The following SERGEF variants were observed in gnomAD, a reference collection of about 807,000 sequenced individuals.
SERGEF encodes the protein secretion-regulating guanine nucleotide exchange factor.
A neutral mutation model predicts 50.0 loss-of-function variants in SERGEF; 51 were observed. The observed-to-expected ratio is 1.02, with a 90% CI of 0.81 to 1.29. The LOEUF is 1.29. SERGEF is among the 50% of genes most tolerant of loss of function. The pLI is 0.00. For synonymous variants in SERGEF, 205 were observed against 212.4 expected (o/e 0.97, Z 0.30); for missense variants, 521 against 557.0 (o/e 0.94, Z 0.65).
chr11:17,801,003 G>T (rs1212300627), intron 10 of SERGEF, among the ~76,000 whole-genome samples: 1 of 152,022 alleles, frequency 6.6e-6, no homozygotes, highest in African/African-American at 2.4e-5. Flanking sequence ...AGACCATCCT[G>T]GCTAACACGG....
At chr11:17,973,322 G>A (rs1590226746) in intron 8 of SERGEF, among the ~76,000 whole-genome samples, 1 of 152,172 alleles carries the variant, frequency 6.6e-6, no homozygotes, top group African/African-American at 2.4e-5. Flanking sequence ...ATTCTGCAAA[G>A]CCCATCCACT....
chr11:17,789,960 G>A (rs947899151), intron 10 of SERGEF, among the ~76,000 whole-genome samples: 5 of 152,106 alleles, frequency 3.3e-5, no homozygotes, highest in African/African-American at 7.2e-5. Context: ...ACTCCACCCC[G>A]GGTGACAGAG....
At chr11:18,009,992 G>T in intron 1 of SERGEF, 1 of 551,096 alleles carries the variant, frequency 1.8e-6, no homozygotes, top group Non-Finnish European at 2.8e-6. Flanking sequence ...TTTGTATTCA[G>T]AATTGAAGAC....
At chr11:17,971,996 G>T (rs1489943682) in intron 8 of SERGEF, among the ~76,000 whole-genome samples, 1 of 152,212 alleles carries the variant, frequency 6.6e-6, no homozygotes, top group Non-Finnish European at 1.5e-5. Context: ...ACATGTGGTA[G>T]AAACAGCAAT....
chr11:17,866,507 T>C (rs1019843376), intron 10 of SERGEF, among the ~76,000 whole-genome samples: 3 of 151,986 alleles, frequency 2.0e-5, no homozygotes, highest in African/African-American at 4.8e-5. Flanking sequence ...TCAGAACATA[T>C]CCCCCCTTTT....
intron 9 of SERGEF, among the ~76,000 whole-genome samples, chr11:17,908,311 A>C (rs958415108): frequency 2.6e-5 from 4 of 152,112 alleles, no homozygotes; most frequent in African/African-American, 9.7e-5. Context: ...CAGTTTCCTG[A>C]ATGTGCAGCT....
intron 10 of SERGEF, among the ~76,000 whole-genome samples, chr11:17,818,741 G>A (rs1213911022): frequency 1.5e-4 from 23 of 152,014 alleles, no homozygotes; most frequent in African/African-American, 2.4e-5. Context: ...TCTAAACTCC[G>A]CCCCTGATTT....
chr11:17,983,452 T>G (rs900785068), intron 8 of SERGEF, among the ~76,000 whole-genome samples: 25 of 151,502 alleles, frequency 1.7e-4, no homozygotes, highest in African/African-American at 6.1e-4. Flanking sequence ...TCCAAAAGAG[T>G]AGTGGGAGCT....
chr11:17,809,767 C>G (rs1270006667), intron 10 of SERGEF, among the ~76,000 whole-genome samples: 1 of 152,076 alleles, frequency 6.6e-6, no homozygotes, highest in Non-Finnish European at 1.5e-5. Flanking sequence ...ATAGCCTTAG[C>G]CAGGAGACTA....
At chr11:17,892,326 G>C (rs1303551256) in intron 9 of SERGEF, among the ~76,000 whole-genome samples, 1 of 152,170 alleles carries the variant, frequency 6.6e-6, no homozygotes, top group Admixed American at 6.5e-5. Flanking sequence ...CACAAGTAGA[G>C]ATTTGAAAAA....
intron 8 of SERGEF, among the ~76,000 whole-genome samples, chr11:17,961,755 C>T (rs891192932): frequency 6.6e-6 from 1 of 152,200 alleles, no homozygotes; most frequent in African/African-American, 2.4e-5. Context: ...GTCCAGAAAC[C>T]AGGCTGACTT....
intron 4 of SERGEF, among the ~76,000 whole-genome samples, chr11:18,002,801 C>G (rs2134010044): frequency 6.6e-6 from 1 of 152,314 alleles, no homozygotes; most frequent in South Asian, 2.1e-4. Context: ...ATAGTACCTA[C>G]ACATAATGGT....
chr11:17,927,200 C>A (rs1852267949), intron 9 of SERGEF, among the ~76,000 whole-genome samples: 1 of 152,184 alleles, frequency 6.6e-6, no homozygotes, highest in Non-Finnish European at 1.5e-5. Flanking sequence ...ACACTAGAGA[C>A]TCATTTGGGG....
At chr11:17,931,035 T>G (rs186234315) in intron 9 of SERGEF, among the ~76,000 whole-genome samples, 169 of 152,306 alleles carry the variant, frequency 1.1e-3, no homozygotes, top group Middle Eastern at 6.8e-3. Flanking sequence ...AATTCAGCAC[T>G]GCACCTGTTC....
chr11:17,959,391 C>A lies in SERGEF; in HGVS notation c.1011+79G>T, dbSNP rs563452251. 3.3e-5 allele frequency: 44 copies of A among 1,340,418 alleles called. No homozygotes were observed. In the Admixed American group the frequency reaches 3.4e-4, roughly 10 times the overall value. The allele number at this position is 1,340,418 out of a possible 1,614,324, so 83.0% of individuals were successfully genotyped here. A position where few individuals can be genotyped will look rare whatever the true frequency, so the allele number is the denominator to read the frequency against. On this transcript the variant is annotated intron_variant, in intron 9 of 10. Coordinates refer to ENST00000265965, the MANE Select transcript of SERGEF (RefSeq NM_012139.4). ...TGGTACCTATCCATAACGCCTGGCA[C>A]ACAGTAGGCCCTCAGTAAATGATTC...
In SERGEF at chr11:17,906,176, C is replaced by T. The variant is rs569982402; in HGVS notation, c.1012-27932G>A. ...GATGCTACATAGTTGGAGCAGGGCA[C>T]GGGGAGGGGTGGGCTGATAAGGAAG... On this transcript the variant is annotated intron_variant, in intron 9 of 10. Coordinates refer to ENST00000265965, the MANE Select transcript of SERGEF (RefSeq NM_012139.4). 1.2e-3 allele frequency among the ~76,000 whole-genome samples: 190 copies of T among 152,104 alleles called. 1 individual carries two copies. The highest frequency in any genetic ancestry group is 3.8e-3 in the African/African-American group (156 of 41,512).
chr11:17,968,977 G>A (rs1360403296), intron 8 of SERGEF, among the ~76,000 whole-genome samples: 1 of 152,094 alleles, frequency 6.6e-6, no homozygotes, highest in Non-Finnish European at 1.5e-5. Flanking sequence ...ACAAGTCCCA[G>A]CCAACTCAAG....
intron 9 of SERGEF, among the ~76,000 whole-genome samples, chr11:17,883,053 G>A (rs181089402): frequency 6.6e-6 from 1 of 152,296 alleles, no homozygotes; most frequent in African/African-American, 2.4e-5. Context: ...GTGCTTCCCA[G>A]AAATGAGAGA....
intron 8 of SERGEF, among the ~76,000 whole-genome samples, chr11:17,976,942 C>T (rs1853389517): frequency 1.3e-5 from 2 of 152,228 alleles, no homozygotes; most frequent in African/African-American, 2.4e-5. Flanking sequence ...GGTCTTAAAA[C>T]GCTGGGGCAT....
Sources: allele counts gnomAD v4.1 joint callset (sites outside exome capture counted in the v4.1 genomes callset), GRCh38; gene constraint gnomAD v4.1.1; transcripts MANE v1.5; gene names NCBI Gene and HGNC (gene_info 2026-07-23, HGNC 2026-07-21).